The following AGAP1 variants were observed in gnomAD, a reference collection of about 807,000 sequenced individuals.
AGAP1 encodes the protein arf-GAP with GTPase, ANK repeat and PH domain-containing protein 1.
In AGAP1, 29 loss-of-function variants were observed where a neutral mutation model predicts 105.3. The observed-to-expected ratio is 0.28, with a 90% CI of 0.21 to 0.38. AGAP1 has a LOEUF of 0.38. Among genes scored for constraint, AGAP1 ranks in the 10% least tolerant of loss-of-function variants. The pLI is 1.00. For synonymous variants in AGAP1, 509 were observed against 485.9 expected (o/e 1.05, Z -0.63); for missense variants, 998 against 1,165.1 (o/e 0.86, Z 2.09).
chr2:236,026,827 C>G (rs2057070893), intron 13 of AGAP1, among the ~76,000 whole-genome samples: 1 of 152,206 alleles, frequency 6.6e-6, no homozygotes, highest in South Asian at 2.1e-4. Context: ...GTTCTCTTGG[C>G]ATGAGGAATA....
chr2:235,519,936 C>T (rs1456199487), intron 1 of AGAP1, among the ~76,000 whole-genome samples: 2 of 152,156 alleles, frequency 1.3e-5, no homozygotes, highest in African/African-American at 4.8e-5. Flanking sequence ...GTGCCCACCA[C>T]CACACCTGGC....
chr2:235,791,251 A>G (rs1575475451), intron 6 of AGAP1, among the ~76,000 whole-genome samples: 1 of 139,870 alleles, frequency 7.1e-6, no homozygotes, highest in Non-Finnish European at 1.6e-5. Flanking sequence ...TCTTCTTAAT[A>G]AGATAGTTTA....
chr2:235,754,610 T>C lies in AGAP1; in HGVS notation c.673+4122T>C, dbSNP rs904543259. ...GAATGGAGAAACCTTGCATTCACTTTTTGTTCGCTTGTGTGGTCCTGTTTA... is the reference window on the plus strand; with the variant it reads ...GAATGGAGAAACCTTGCATTCACTTCTTGTTCGCTTGTGTGGTCCTGTTTA... On this transcript the variant is annotated intron_variant, in intron 6 of 17. Transcript: ENST00000304032. This position sits in a 1 kb window ranked among gnomAD's most constrained non-coding sequence, Gnocchi z 4.6. 2.0e-5 allele frequency among the ~76,000 whole-genome samples: 3 copies of C among 152,168 alleles called. No homozygotes were observed. Among genetic ancestry groups the C allele is most frequent in the African/African-American group, 4.8e-5 (2 of 41,444 alleles).
intron 1 of AGAP1, among the ~76,000 whole-genome samples, chr2:235,501,233 G>A (rs1217298739): frequency 6.6e-6 from 1 of 152,236 alleles, no homozygotes; most frequent in African/African-American, 2.4e-5. Context: ...ACATTGCCAA[G>A]AGAATCTGGT....
chr2:235,643,169 G>A (rs961527249), intron 1 of AGAP1, among the ~76,000 whole-genome samples: 12 of 152,032 alleles, frequency 7.9e-5, no homozygotes, highest in Admixed American at 5.2e-4. Context: ...GCAGTGGCTC[G>A]CACGTGTAAT....
chr2:235,895,920 G>A (rs1038029922), intron 10 of AGAP1, among the ~76,000 whole-genome samples: 7 of 152,184 alleles, frequency 4.6e-5, no homozygotes, highest in Non-Finnish European at 8.8e-5. Flanking sequence ...CTTGATGGGA[G>A]AAAAGCTTCA....
rs964374073 is a variant in AGAP1, at chr2:235,970,955, G to A, written c.1645+2332G>A. The stretch of plus-strand genomic sequence containing the variant: ...CCTTTCCTTAAAGGGTCTTACTGCT[G>A]AGGTGGTAACACCAGCAGAAAGATT... On this transcript the variant is annotated intron_variant, in intron 13 of 17. Coordinates refer to ENST00000304032, the MANE Select transcript of AGAP1 (RefSeq NM_001037131.3). The surrounding 1 kb of genome is among the most constrained non-coding windows in gnomAD (Gnocchi z 5.4). 2.0e-5 allele frequency among the ~76,000 whole-genome samples: 3 copies of A among 152,150 alleles called. No individual in the cohort carries two copies. Among genetic ancestry groups the A allele is most frequent in the African/African-American group, 7.2e-5 (3 of 41,428 alleles).
rs1038265194 is a variant in AGAP1 at position 236,061,824 on chromosome 2, A to G, written c.2114+12543A>G. Among the ~76,000 whole-genome samples the G allele has an allele frequency of 1.3e-5, 2 of 151,778 alleles. No individual in the cohort carries two copies. The highest frequency in any genetic ancestry group is 4.8e-5 in the African/African-American group (2 of 41,272). On this transcript the variant is annotated intron_variant, in intron 16 of 17. Transcript: ENST00000304032. The surrounding 1 kb of genome is among the most constrained non-coding windows in gnomAD (Gnocchi z 4.1). ...CATCCTTGCAAATATACTAAAAACC[A>G]CTGAGTTGTACACTTTTAAAGTGTG...
chr2:236,084,968 A>C (rs1181690108), intron 16 of AGAP1, among the ~76,000 whole-genome samples: 1 of 151,812 alleles, frequency 6.6e-6, no homozygotes, highest in Admixed American at 6.6e-5. Flanking sequence ...TAATCCCAGC[A>C]CTTTGGGAGG....
rs13400682 is a variant in AGAP1 at position 236,025,264 on chromosome 2, C to T, written c.1646-11297C>T. Reference sequence around the variant, plus strand: ...CTCACAGGCACATGCTCGTTCTGCACGTTTGAAGTGAGGGTGGCAGTGGAG... The same window carrying T: ...CTCACAGGCACATGCTCGTTCTGCATGTTTGAAGTGAGGGTGGCAGTGGAG... On this transcript the variant is annotated intron_variant, in intron 13 of 17. Coordinates refer to ENST00000304032, the MANE Select transcript of AGAP1 (RefSeq NM_001037131.3). Among the ~76,000 whole-genome samples the T allele has an allele frequency of 7.8e-3, 1,185 of 152,208 alleles. 13 individuals are homozygous for T. Among genetic ancestry groups the T allele is most frequent in the African/African-American group, 0.027 (1,112 of 41,520 alleles).
chr2:235,995,517 AAAAC>A (rs1302557230), intron 13 of AGAP1, among the ~76,000 whole-genome samples: 14 of 152,326 alleles, frequency 9.2e-5, no homozygotes, highest in Middle Eastern at 3.4e-3. Flanking sequence ...GTGACTCAAA[AAAAC>A]AAACAAAAGA....
At chr2:235,537,644 A>G (rs1943284848) in intron 1 of AGAP1, among the ~76,000 whole-genome samples, 4 of 152,210 alleles carry the variant, frequency 2.6e-5, no homozygotes, top group Admixed American at 2.6e-4. Flanking sequence ...ATTACTATCA[A>G]TATTAATATT....
intron 1 of AGAP1, among the ~76,000 whole-genome samples, chr2:235,527,342 C>T (rs1942877576): frequency 1.3e-5 from 2 of 152,168 alleles, no homozygotes; most frequent in African/African-American, 4.8e-5. Context: ...CCTGTCAGGG[C>T]TGTTCTATTA....
At chr2:235,520,933 G>A (rs1196272986) in intron 1 of AGAP1, among the ~76,000 whole-genome samples, 1 of 152,146 alleles carries the variant, frequency 6.6e-6, no homozygotes, top group Admixed American at 6.5e-5. Context: ...AGCCTTCTGT[G>A]TTCTCTTGAC....
Position 236,036,758 on chromosome 2 carries a change from G to T in AGAP1, c.1800+43G>T, listed in dbSNP as rs972709169. ...CCAAAACCAAGGCTGGGGCTGCTCA[G>T]GGGGAGTGCGGGCCCCAAGTAATGC... On this transcript the variant is annotated intron_variant, in intron 14 of 17. Coordinates refer to ENST00000304032, the MANE Select transcript of AGAP1 (RefSeq NM_001037131.3). The surrounding 1 kb of genome is among the most constrained non-coding windows in gnomAD (Gnocchi z 5.7). The T allele has an allele frequency of 9.9e-6, 16 of 1,609,502 alleles. No homozygotes were observed. The highest frequency in any genetic ancestry group is 1.4e-5 in the Non-Finnish European group (16 of 1,178,296).
rs1389206495 is a variant in AGAP1, at chr2:235,963,579, G to A, written c.1484-4883G>A. 1.3e-5 allele frequency among the ~76,000 whole-genome samples: 2 copies of A among 152,146 alleles called. No individual in the cohort carries two copies. The highest frequency in any genetic ancestry group is 4.8e-5 in the African/African-American group (2 of 41,420). ...AGATTTTTCCTTGGTTTCCTCATAG[G>A]CAAGTTGAAAGATATGTGAGCTGAA... On this transcript the variant is annotated intron_variant, in intron 12 of 17. Coordinates refer to ENST00000304032, the MANE Select transcript of AGAP1 (RefSeq NM_001037131.3). This position sits in a 1 kb window ranked among gnomAD's most constrained non-coding sequence, Gnocchi z 5.1.
chr2:235,716,155 G>T lies in AGAP1; in HGVS notation c.223-1402G>T, dbSNP rs565821134. Among the ~76,000 whole-genome samples, 3 of 152,328 alleles carry T rather than the reference G, an allele frequency of 2.0e-5. No individual in the cohort carries two copies. In the South Asian group the frequency reaches 6.2e-4, roughly 32 times the overall value. On this transcript the variant is annotated intron_variant, in intron 2 of 17. Coordinates refer to ENST00000304032, the MANE Select transcript of AGAP1 (RefSeq NM_001037131.3). This position sits in a 1 kb window ranked among gnomAD's most constrained non-coding sequence, Gnocchi z 4.0. ...CTGTTAAATGGAATCGCAGCTCATT[G>T]AGAGAAGGTTGGATGTGGACAGGCG...
intron 1 of AGAP1, among the ~76,000 whole-genome samples, chr2:235,602,953 C>T (rs56169654): frequency 0.042 from 6,338 of 152,244 alleles, 160 homozygotes; most frequent in Middle Eastern, 0.068. Flanking sequence ...CCTCCTGCAT[C>T]GGCCTCCCAA....
rs756748697 is a variant in AGAP1, at chr2:236,045,154, G to A, written c.1892-3905G>A. ...TGGTCTTAAACTCCTGGCCTTCGGCGATCCTCCCCCATTGACCTCCCAAAG... is the reference window on the plus strand; with the variant it reads ...TGGTCTTAAACTCCTGGCCTTCGGCAATCCTCCCCCATTGACCTCCCAAAG... On this transcript the variant is annotated intron_variant, in intron 15 of 17. Transcript: ENST00000304032. The surrounding 1 kb of genome is among the most constrained non-coding windows in gnomAD (Gnocchi z 6.9). Among the ~76,000 whole-genome samples, 20 of 152,270 alleles carry A rather than the reference G, an allele frequency of 1.3e-4. No individual in the cohort carries two copies. Among genetic ancestry groups the A allele is most frequent in the Middle Eastern group, 3.4e-3 (1 of 294 alleles).
Sources: gnomAD v4.1 joint callset for allele counts (sites outside exome capture counted in the v4.1 genomes callset) on GRCh38, gnomAD v4.1.1 for gene constraint, Gnocchi (gnomAD v3.1) non-coding constraint, MANE v1.5 for transcripts, NCBI Gene and HGNC (gene_info 2026-07-23, HGNC 2026-07-21) for gene names.